Variants in CHMP2B observed in about 807,000 individuals in gnomAD.
CHMP2B encodes charged multivesicular body protein 2B.
CHMP2B carries 22 observed loss-of-function variants against 29.8 expected under a neutral mutation model. That is an observed-to-expected ratio of 0.74 (90% CI 0.53 to 1.05). The LOEUF (loss-of-function observed/expected upper bound fraction) is 1.05. Ranked by LOEUF, CHMP2B falls within the 50% of genes least tolerant of loss-of-function variation. CHMP2B has a pLI of 0.00. For synonymous variants in CHMP2B, 78 were observed against 75.8 expected, an observed-to-expected ratio of 1.03 and a Z score of -0.15; for missense variants, 261 against 252.2, an observed-to-expected ratio of 1.03 and a Z score of -0.24.
At chr3:87,246,427 G>A (rs1575969367) in intron 3 of CHMP2B, among the ~76,000 whole-genome samples, 1 of 152,052 alleles carries the variant, frequency 6.6e-6, no homozygotes, top group East Asian at 1.9e-4. Flanking sequence ...ATGAGCCACC[G>A]CGCCCAGCCA....
chr3:87,227,812 C>T (rs1705841017), intron 1 of CHMP2B, among the ~76,000 whole-genome samples: 1 of 152,252 alleles, frequency 6.6e-6, no homozygotes, highest in African/African-American at 2.4e-5. Flanking sequence ...CAGCAGGATC[C>T]TGAGCGTTTC....
chr3:87,238,534 C>T (rs1368832452), intron 1 of CHMP2B, among the ~76,000 whole-genome samples: 1 of 152,150 alleles, frequency 6.6e-6, no homozygotes, highest in African/African-American at 2.4e-5. Flanking sequence ...TCTGATATTT[C>T]ATATAAATGT....
chr3:87,245,875 G>T lies in CHMP2B; in HGVS notation c.288G>T (p.Met96Ile). The T allele has an allele frequency of 6.2e-7, 1 of 1,613,294 alleles. No homozygotes were observed. The part of the protein sequence containing the change: ...STQTKVMNSQ[M>I]KMAGAMSTTA... ...AAACAAAAGTGATGAATTCCCAAAT[G>T]AAGATGGCTGGAGCAATGTCTACTA... is the stretch of plus-strand genomic sequence containing the variant. Residue 96 changes from methionine to isoleucine, a missense_variant, in exon 3 of 6, where the codon ATG (methionine) becomes ATT (isoleucine). Transcript: ENST00000263780.
intron 3 of CHMP2B, among the ~76,000 whole-genome samples, chr3:87,246,715 A>G (rs1706220030): frequency 6.6e-6 from 1 of 152,212 alleles, no homozygotes; most frequent in African/African-American, 2.4e-5. Context: ...TATATCTGTA[A>G]TCAGTGTTTT....
chr3:87,252,699 A>G (rs1034784302), intron 4 of CHMP2B, among the ~76,000 whole-genome samples: 1 of 151,840 alleles, frequency 6.6e-6, no homozygotes, highest in African/African-American at 2.4e-5. Flanking sequence ...CTATATACCC[A>G]TTGTATTTAT....
intron 1 of CHMP2B, among the ~76,000 whole-genome samples, chr3:87,232,929 T>C (rs1442643123): frequency 1.3e-5 from 2 of 152,192 alleles, no homozygotes; most frequent in Admixed American, 6.5e-5. Context: ...TGTTTATAAA[T>C]TGGTTCACAT....
intron 1 of CHMP2B, 133 bp downstream of exon 1, chr3:87,227,689 C>A: frequency 8.9e-7 from 1 of 1,117,540 alleles, no homozygotes; most frequent in South Asian, 1.2e-5. Context: ...TGACCGCCCT[C>A]GCGGCACCAC....
At chr3:87,239,442 C>T (rs1011737502) in intron 1 of CHMP2B, among the ~76,000 whole-genome samples, 9 of 152,054 alleles carry the variant, frequency 5.9e-5, no homozygotes, top group Admixed American at 4.6e-4. Flanking sequence ...TACAGTGTGA[C>T]GTAAAGGTCC....
intron 4 of CHMP2B, 39 bp downstream of exon 4, chr3:87,250,016 C>T (rs566793636): frequency 5.6e-6 from 7 of 1,260,476 alleles, no homozygotes; most frequent in East Asian, 5.0e-5. Flanking sequence ...ATAGTTTTCT[C>T]ATCTTTGAAT....
chr3:87,248,035 T>C (rs558118745), intron 3 of CHMP2B, among the ~76,000 whole-genome samples: 3 of 152,172 alleles, frequency 2.0e-5, no homozygotes, highest in African/African-American at 7.2e-5. Context: ...TGGTGGCTCA[T>C]GCCTGTAATC....
At chr3:87,238,409 A>C (rs2106899229) in intron 1 of CHMP2B, among the ~76,000 whole-genome samples, 1 of 152,262 alleles carries the variant, frequency 6.6e-6, no homozygotes, top group South Asian at 2.1e-4. Flanking sequence ...CTAGTTCTAA[A>C]ACATTTTCAT....
At chr3:87,250,342 C>A (rs1291365633) in intron 4 of CHMP2B, among the ~76,000 whole-genome samples, 1 of 151,844 alleles carries the variant, frequency 6.6e-6, no homozygotes, top group East Asian at 1.9e-4. Flanking sequence ...TTTATTCTCA[C>A]TTTTTTTCCC....
intron 4 of CHMP2B, among the ~76,000 whole-genome samples, chr3:87,252,022 T>G (rs778129913): frequency 5.3e-5 from 8 of 151,902 alleles, no homozygotes; most frequent in Non-Finnish European, 7.4e-5. Context: ...GGTTTTCTGC[T>G]TACTACAAAA....
intron 2 of CHMP2B, among the ~76,000 whole-genome samples, chr3:87,244,562 G>A (rs1042373865): frequency 6.8e-6 from 1 of 147,534 alleles, no homozygotes; most frequent in Non-Finnish European, 1.5e-5. Context: ...TTTTCTCTGT[G>A]GTTTTTTCTT....
chr3:87,227,635 C>T, intron 1 of CHMP2B, 79 bp downstream of exon 1: 1 of 1,569,188 alleles, frequency 6.4e-7, no homozygotes, highest in Non-Finnish European at 8.8e-7. Flanking sequence ...CGCGATTCTG[C>T]CTACTGTCCC....
chr3:87,231,010 T>G (rs1378425048), intron 1 of CHMP2B, among the ~76,000 whole-genome samples: 1 of 152,144 alleles, frequency 6.6e-6, no homozygotes, highest in Non-Finnish European at 1.5e-5. Flanking sequence ...TTTTTTTTCT[T>G]TTTCTTAAAC....
At chr3:87,228,945 G>C (rs1705860087) in intron 1 of CHMP2B, among the ~76,000 whole-genome samples, 2 of 151,926 alleles carry the variant, frequency 1.3e-5, no homozygotes, top group Non-Finnish European at 2.9e-5. Context: ...GGGGGTGGGG[G>C]AACGATTTAT....
chr3:87,252,127 G>C (rs1301304779), intron 4 of CHMP2B, among the ~76,000 whole-genome samples: 1 of 151,830 alleles, frequency 6.6e-6, no homozygotes, highest in Non-Finnish European at 1.5e-5. Context: ...TACCTTATGT[G>C]ACATTTCCAG....
At chr3:87,233,182 T>C (rs1399969727) in intron 1 of CHMP2B, among the ~76,000 whole-genome samples, 4 of 152,188 alleles carry the variant, frequency 2.6e-5, no homozygotes, top group Non-Finnish European at 4.4e-5. Context: ...TTGTTTTCTA[T>C]AGTTGCCTTT....
Sources: allele counts gnomAD v4.1 joint callset (sites outside exome capture counted in the v4.1 genomes callset), GRCh38; gene constraint gnomAD v4.1.1; transcripts MANE v1.5; gene names NCBI Gene and HGNC (gene_info 2026-07-23, HGNC 2026-07-21).